Variants in B4GALT1 observed in about 807,000 individuals in gnomAD.
B4GALT1 encodes beta-1,4-galactosyltransferase 1, also known as N-acetyllactosamine synthase.
In B4GALT1, 16 loss-of-function variants were observed where a neutral mutation model predicts 34.9. That is an observed-to-expected ratio of 0.46 (90% CI 0.31 to 0.70). B4GALT1 has a LOEUF of 0.70. B4GALT1 is among the 30% of genes least tolerant of loss of function. The pLI is 0.05. For missense variants in B4GALT1, 445 were observed against 530.5 expected (o/e 0.84, Z 1.58); for synonymous variants, 221 against 218.1 (o/e 1.01, Z -0.12).
chr9:33,153,424 T>C (rs1272889291), intron 1 of B4GALT1, among the ~76,000 whole-genome samples: 1 of 152,016 alleles, frequency 6.6e-6, no homozygotes, highest in Non-Finnish European at 1.5e-5. Context: ...GAACAAATAA[T>C]GAACTCAAAG....
chr9:33,183,443 A>C, the B4GALT1 span, among the ~76,000 whole-genome samples: 1 of 145,646 alleles, frequency 6.9e-6, no homozygotes, highest in Admixed American at 6.9e-5. Context: ...ACCATGGAAT[A>C]CTATGCAGCC....
In B4GALT1 at chr9:33,116,071, A is replaced by G; in HGVS notation, c.879T>C (p.Ser293=). ...VQYFGGVSAL[S]KQQFLTINGF... is the part of the protein sequence containing the mutation. ...CATTGATGGTTAGAAACTGTTGTTT[A>G]CTTAGAGCAGAGACACCTCCAAAAT... is the stretch of plus-strand genomic sequence containing the variant. The change falls in exon 4 of 6, where the codon AGT becomes AGC. Residue 293 remains serine, a synonymous_variant. Transcript: ENST00000379731. 2 of 1,613,664 alleles carry G rather than the reference A, an allele frequency of 1.2e-6. No homozygotes were observed. The highest frequency in any genetic ancestry group is 1.7e-6 in the Non-Finnish European group (2 of 1,179,648).
At chr9:33,160,564 C>T (rs368646559) in intron 1 of B4GALT1, among the ~76,000 whole-genome samples, 22 of 152,214 alleles carry the variant, frequency 1.4e-4, no homozygotes, top group South Asian at 6.2e-4. Context: ...CTCTGGAGTT[C>T]GAGACCAGCC....
intron 2 of B4GALT1, among the ~76,000 whole-genome samples, chr9:33,105,420 C>A (rs1839788596): frequency 6.6e-6 from 1 of 152,190 alleles, no homozygotes; most frequent in Non-Finnish European, 1.5e-5. Flanking sequence ...GGATTACAGA[C>A]ATGAGCCACC....
chr9:33,161,033 C>CT (rs1205011973), intron 1 of B4GALT1, among the ~76,000 whole-genome samples: 1 of 151,840 alleles, frequency 6.6e-6, no homozygotes, highest in Non-Finnish European at 1.5e-5. Flanking sequence ...CTCTCTCTCT[C>CT]TCTCTCTCTC....
rs1839859780 is a variant in B4GALT1 at position 33,111,326 on chromosome 9, G to A, written c.*2128C>T. 7.0e-6 allele frequency: 1 copy of A among 143,536 alleles called. No individual in the cohort carries two copies. Among genetic ancestry groups the A allele is most frequent in the African/African-American group, 2.6e-5 (1 of 38,024 alleles). 8.9% of individuals were successfully genotyped at this position (143,536 alleles called of 1,614,324 possible). On this transcript the variant is annotated 3_prime_UTR_variant, in exon 6 of 6. Coordinates refer to ENST00000379731, the MANE Select transcript of B4GALT1 (RefSeq NM_001497.4). Reference sequence around the variant, plus strand: ...GTTTTAAGAGTAAAATAACACAGAAGTTACCACTCAGGGCATTTGTCTGAT... The same window carrying A: ...GTTTTAAGAGTAAAATAACACAGAAATTACCACTCAGGGCATTTGTCTGAT...
intron 1 of B4GALT1, among the ~76,000 whole-genome samples, chr9:33,164,360 T>C (rs923801480): frequency 2.0e-5 from 3 of 152,166 alleles, no homozygotes; most frequent in Middle Eastern, 3.2e-3. Flanking sequence ...CAAGGCCTCA[T>C]AGCCAGGAAC....
chr9:33,134,618 A>G (rs1019238402), intron 2 of B4GALT1, among the ~76,000 whole-genome samples: 1 of 152,206 alleles, frequency 6.6e-6, no homozygotes, highest in African/African-American at 2.4e-5. Context: ...TATGGATCAG[A>G]CGAGCAGTGA....
chr9:33,165,789 G>A (rs1360108858), intron 1 of B4GALT1, among the ~76,000 whole-genome samples: 3 of 152,222 alleles, frequency 2.0e-5, no homozygotes, highest in Non-Finnish European at 4.4e-5. Flanking sequence ...TAGGTTACAG[G>A]TCAAAGAGAA....
At chr9:33,141,258 A>G (rs145922555) in intron 1 of B4GALT1, among the ~76,000 whole-genome samples, 1 of 152,254 alleles carries the variant, frequency 6.6e-6, no homozygotes, top group African/African-American at 2.4e-5. Context: ...TAATCCCAGC[A>G]CTTTGGGAGG....
chr9:33,137,556 A>G (rs1840288835), intron 1 of B4GALT1, among the ~76,000 whole-genome samples: 2 of 152,312 alleles, frequency 1.3e-5, no homozygotes, highest in Middle Eastern at 3.4e-3. Flanking sequence ...ACCAGGACTC[A>G]GTCAGTGGTC....
At chr9:33,153,681 T>C (rs996552254) in intron 1 of B4GALT1, among the ~76,000 whole-genome samples, 2 of 152,122 alleles carry the variant, frequency 1.3e-5, no homozygotes, top group Admixed American at 6.6e-5. Flanking sequence ...AAGGTCTGAA[T>C]AGACCTATAA....
chr9:33,150,126 T>TATATAG (rs780829960), intron 1 of B4GALT1, among the ~76,000 whole-genome samples: 8 of 69,618 alleles, frequency 1.1e-4, no homozygotes, highest in East Asian at 8.2e-4. Context: ...AAAGGAGATA[T>TATATAG]ATATAGATAT....
At chr9:33,159,770 T>C (rs1011278150) in intron 1 of B4GALT1, among the ~76,000 whole-genome samples, 1 of 152,222 alleles carries the variant, frequency 6.6e-6, no homozygotes, top group African/African-American at 2.4e-5. Context: ...CACCTTCCTG[T>C]GCGTCACATC....
At chr9:33,142,549 C>T (rs973170578) in intron 1 of B4GALT1, among the ~76,000 whole-genome samples, 15 of 152,166 alleles carry the variant, frequency 9.9e-5, no homozygotes, top group Non-Finnish European at 1.9e-4. Flanking sequence ...ACACCCCCAA[C>T]ACCCACTGTT....
At chr9:33,138,660 C>G (rs1840305074) in intron 1 of B4GALT1, among the ~76,000 whole-genome samples, 1 of 152,158 alleles carries the variant, frequency 6.6e-6, no homozygotes, top group Admixed American at 6.5e-5. Context: ...TCTCCCTATA[C>G]CCAGGTCTTT....
At chr9:33,166,418 C>T (rs1270445621) in intron 1 of B4GALT1, among the ~76,000 whole-genome samples, 1 of 152,152 alleles carries the variant, frequency 6.6e-6, no homozygotes, top group African/African-American at 2.4e-5. Context: ...CAGTGCAAGG[C>T]TGCTCGAAGC....
At chr9:33,178,905 G>A in the B4GALT1 span, 1 of 152,372 alleles carries the variant, frequency 6.6e-6, no homozygotes, top group East Asian at 1.9e-4. Flanking sequence ...GGTGTCCATG[G>A]ATTGGCGGGG....
At position 33,154,002 on chromosome 9, in the gene B4GALT1, GGA is replaced by G. The variant is rs544104544; in HGVS notation, c.412+12754_412+12755del. On this transcript the variant is annotated intron_variant, in intron 1 of 5. Coordinates refer to ENST00000379731, the MANE Select transcript of B4GALT1 (RefSeq NM_001497.4). Reference sequence around the variant, plus strand: ...GGAGGGGAAAAGAAGGGAGGGGAGGGGAGAGAGAGAGAGAGAGAGGAAGGAAG... The same window carrying G: ...GGAGGGGAAAAGAAGGGAGGGGAGGGGAGAGAGAGAGAGAGAGGAAGGAAG... Among the ~76,000 whole-genome samples, 94 of 126,896 alleles carry G rather than the reference GGA, an allele frequency of 7.4e-4. 1 individual carries two copies. In the South Asian group the frequency reaches 9.4e-3, roughly 13 times the overall value. The allele number at this position is 126,896 out of a possible 152,430, so 83.2% of individuals were successfully genotyped here. A position where few individuals can be genotyped will look rare whatever the true frequency, so the allele number is the denominator to read the frequency against.
Sources: allele counts gnomAD v4.1 joint callset (sites outside exome capture counted in the v4.1 genomes callset), GRCh38; gene constraint gnomAD v4.1.1; transcripts MANE v1.5; gene names NCBI Gene and HGNC (gene_info 2026-07-23, HGNC 2026-07-21).